Variants in RAB4A observed in about 807,000 individuals in gnomAD.
RAB4A encodes the protein ras-related protein Rab-4A.
Under a neutral mutation model 34.5 loss-of-function variants are expected in RAB4A, and 20 were observed. The observed-to-expected ratio is 0.58, with a 90% CI of 0.41 to 0.84. RAB4A has a LOEUF of 0.84. Ranked by LOEUF, RAB4A falls within the 40% of genes least tolerant of loss-of-function variation. The probability of loss-of-function intolerance (pLI) is 0.00; values close to 1 mark genes in which losing one functional copy is unlikely to be tolerated. For synonymous variants in RAB4A, 102 were observed against 100.0 expected (o/e 1.02, Z -0.12); for missense variants, 228 against 274.5 (o/e 0.83, Z 1.20).
In RAB4A at chr1:229,304,326, T is replaced by C. The variant is rs536297715; in HGVS notation, c.*533T>C. The stretch of plus-strand genomic sequence containing the variant: ...CGTTTACTACATTCTACATGGTGTT[T>C]ACGTGATCCACACTTGAAATACTAG... On this transcript the variant is annotated 3_prime_UTR_variant, in exon 8 of 8. Coordinates refer to ENST00000366690, the MANE Select transcript of RAB4A (RefSeq NM_004578.4). 3 of 152,080 alleles carry C rather than the reference T, an allele frequency of 2.0e-5. No homozygotes were observed. Among genetic ancestry groups the C allele is most frequent in the Non-Finnish European group, 2.9e-5 (2 of 68,014 alleles). The allele number at this position is 152,080 out of a possible 1,614,324, so 9.4% of individuals were successfully genotyped here.
chr1:229,284,394 C>T (rs1367882774), intron 1 of RAB4A, among the ~76,000 whole-genome samples: 1 of 152,116 alleles, frequency 6.6e-6, no homozygotes, highest in Non-Finnish European at 1.5e-5. Flanking sequence ...CCACCACACC[C>T]ATCCTTTTCT....
At chr1:229,303,127 G>T in intron 7 of RAB4A, 138 bp downstream of exon 7, 1 of 605,488 alleles carries the variant, frequency 1.7e-6, no homozygotes, top group East Asian at 3.0e-5. Context: ...ACTTTGGGAG[G>T]CTGAGGTGGG....
At position 229,305,143 on chromosome 1, in the gene RAB4A, G is replaced by T. The variant is rs770376201; in HGVS notation, c.*1350G>T. The T allele has an allele frequency of 1.3e-6, 2 of 1,588,046 alleles. No homozygotes were observed. Among genetic ancestry groups the T allele is most frequent in the East Asian group, 4.6e-5 (2 of 43,866 alleles). ...CATAAAAACTCTGGGAAATGACTAGGATAAAAATATCAGTATGTATCTGTT... is the reference window on the plus strand; with the variant it reads ...CATAAAAACTCTGGGAAATGACTAGTATAAAAATATCAGTATGTATCTGTT... On this transcript the variant is annotated 3_prime_UTR_variant, in exon 8 of 8. Transcript: ENST00000366690.
Position 229,304,858 on chromosome 1 carries a change from A to C in RAB4A, c.*1065A>C, listed in dbSNP as rs907949690. The C allele has an allele frequency of 1.0e-5, 2 of 199,654 alleles. No individual in the cohort carries two copies. Among genetic ancestry groups the C allele is most frequent in the Non-Finnish European group, 2.0e-5 (2 of 99,890 alleles). The allele number at this position is 199,654 out of a possible 1,614,324, so 12.4% of individuals were successfully genotyped here. A position where few individuals can be genotyped will look rare whatever the true frequency, so the allele number is the denominator to read the frequency against. On this transcript the variant is annotated 3_prime_UTR_variant, in exon 8 of 8. Transcript: ENST00000366690. The stretch of plus-strand genomic sequence containing the variant: ...GACATGTTTTTAATTCATATAAGGT[A>C]TATTGGGTATATTGAAGTATATATT...
chr1:229,302,914 C>T lies in RAB4A; in HGVS notation c.594C>T (p.Ala198=). 6.2e-7 allele frequency: 1 copy of T among 1,613,936 alleles called. No homozygotes were observed. The highest frequency in any genetic ancestry group is 8.5e-7 in the Non-Finnish European group (1 of 1,179,920). Reference sequence around the variant, plus strand: ...CAGGTATTCAGTACGGAGATGCTGCCTTGAGACAGCTGAGGTCACCGCGGC... The same window carrying T: ...CAGGTATTCAGTACGGAGATGCTGCTTTGAGACAGCTGAGGTCACCGCGGC... ...MGSGIQYGDA[A]LRQLRSPRRA... is the part of the protein sequence containing the mutation. The change falls in exon 7 of 8, where the codon GCC becomes GCT. Residue 198 remains alanine (A), a synonymous_variant. Transcript: ENST00000366690.
At position 229,271,227 on chromosome 1, in the gene RAB4A, C is replaced by G. The variant is rs929598494; in HGVS notation, c.-113C>G. ...ACCGGCGGTTGCCGTGGGGACCGGTCGGGCCCCTCCCTCCTCCGGTCCCCC... is the reference window on the plus strand; with the variant it reads ...ACCGGCGGTTGCCGTGGGGACCGGTGGGGCCCCTCCCTCCTCCGGTCCCCC... On this transcript the variant is annotated 5_prime_UTR_variant, in exon 1 of 8. Coordinates refer to ENST00000366690, the MANE Select transcript of RAB4A (RefSeq NM_004578.4). 44 of 1,097,554 alleles carry G rather than the reference C, an allele frequency of 4.0e-5. No homozygotes were observed. The highest frequency in any genetic ancestry group is 3.4e-4 in the Middle Eastern group (1 of 2,918). 68.0% of individuals were successfully genotyped at this position (1,097,554 alleles called of 1,614,324 possible).
chr1:229,302,301 ATATATATATTTTT>A (rs1395953981), intron 6 of RAB4A, among the ~76,000 whole-genome samples: 16 of 40,516 alleles, frequency 3.9e-4, no homozygotes, highest in African/African-American at 1.3e-3. Flanking sequence ...ATATATATAT[ATATATATATTTTT>A]TTTTTTTTTT....
intron 3 of RAB4A, among the ~76,000 whole-genome samples, chr1:229,290,398 T>C (rs530695901): frequency 6.6e-6 from 1 of 152,254 alleles, no homozygotes; most frequent in South Asian, 2.1e-4. Flanking sequence ...ATGTCCCACA[T>C]AGGAGAAAGG....
chr1:229,290,190 G>A (rs1657031673), intron 3 of RAB4A, among the ~76,000 whole-genome samples: 1 of 152,198 alleles, frequency 6.6e-6, no homozygotes, highest in Middle Eastern at 3.2e-3. Flanking sequence ...GGAGGTAGAG[G>A]TTACAGAGGT....
intron 6 of RAB4A, among the ~76,000 whole-genome samples, chr1:229,302,307 A>AT (rs1657430149): frequency 1.7e-4 from 6 of 35,006 alleles, no homozygotes; most frequent in African/African-American, 2.5e-4. Context: ...ATATATATAT[A>AT]TATTTTTTTT....
chr1:229,304,987 TTAAAA>T lies in RAB4A; in HGVS notation c.*1195_*1199del. On this transcript the variant is annotated 3_prime_UTR_variant, in exon 8 of 8. Transcript: ENST00000366690. ...TGCAGTATTATTTAAATCTGAAAGG[TTAAAA>T]AGCTTTCTTCACCTTATATATGTTC... 1.1e-6 allele frequency: 1 copy of T among 907,970 alleles called. No homozygotes were observed. The highest frequency in any genetic ancestry group is 3.4e-5 in the East Asian group (1 of 29,418). The allele number at this position is 907,970 out of a possible 1,614,324, so 56.2% of individuals were successfully genotyped here.
intron 1 of RAB4A, among the ~76,000 whole-genome samples, chr1:229,278,699 G>A (rs929838140): frequency 2.0e-5 from 3 of 152,136 alleles, no homozygotes; most frequent in South Asian, 2.1e-4. Flanking sequence ...CTGACTTTGC[G>A]CCTTCCTCCT....
At chr1:229,296,330 C>G (rs1364280073) in intron 4 of RAB4A, among the ~76,000 whole-genome samples, 1 of 152,148 alleles carries the variant, frequency 6.6e-6, no homozygotes, top group African/African-American at 2.4e-5. Flanking sequence ...CCCTCTCAGG[C>G]CAGGTGCTTC....
intron 1 of RAB4A, among the ~76,000 whole-genome samples, chr1:229,278,408 TG>T (rs1314537837): frequency 6.6e-6 from 1 of 152,110 alleles, no homozygotes; most frequent in Non-Finnish European, 1.5e-5. Context: ...TTTCTTATCC[TG>T]GCCACCTCTC....
intron 1 of RAB4A, among the ~76,000 whole-genome samples, chr1:229,272,385 T>A (rs1289135875): frequency 6.6e-6 from 1 of 152,078 alleles, no homozygotes; most frequent in Non-Finnish European, 1.5e-5. Context: ...TGGAATGGCA[T>A]TAGGGAAGCG....
At chr1:229,271,934 C>T (rs1314661819) in intron 1 of RAB4A, among the ~76,000 whole-genome samples, 1 of 152,080 alleles carries the variant, frequency 6.6e-6, no homozygotes, top group Non-Finnish European at 1.5e-5. Context: ...GTTTTTTAGC[C>T]TTTTCTGGGT....
chr1:229,294,492 A>C (rs1001663364), intron 3 of RAB4A, among the ~76,000 whole-genome samples: 1 of 152,208 alleles, frequency 6.6e-6, no homozygotes, highest in Non-Finnish European at 1.5e-5. Context: ...AGAGATGGAC[A>C]CTAGGTTGGC....
At chr1:229,295,117 A>G (rs1657205164) in intron 3 of RAB4A, among the ~76,000 whole-genome samples, 1 of 151,462 alleles carries the variant, frequency 6.6e-6, no homozygotes, top group African/African-American at 2.4e-5. Flanking sequence ...GTACTGCCAT[A>G]CCTGGCTAAT....
chr1:229,303,761 A>T (rs976142666), intron 7 of RAB4A, 45 bp from the exon 8 acceptor site: 1 of 152,194 alleles, frequency 6.6e-6, no homozygotes. Flanking sequence ...TTACTTTTGC[A>T]TTTATAGTTA....
Sources: gnomAD v4.1 joint callset for allele counts (sites outside exome capture counted in the v4.1 genomes callset) on GRCh38, gnomAD v4.1.1 for gene constraint, MANE v1.5 for transcripts, NCBI Gene and HGNC (gene_info 2026-07-23, HGNC 2026-07-21) for gene names.